RPS6KC1: variants seen among roughly 807,000 people sequenced by gnomAD.
RPS6KC1 encodes ribosomal protein S6 kinase C1, also known as inactive ribosomal protein S6 kinase delta-1.
RPS6KC1 carries 54 observed loss-of-function variants against 103.8 expected under a neutral mutation model. That is an observed-to-expected ratio of 0.52 (90% CI 0.42 to 0.65). The LOEUF (loss-of-function observed/expected upper bound fraction) is 0.65. Among genes scored for constraint, RPS6KC1 ranks in the 30% least tolerant of loss-of-function variants. The pLI, the probability that RPS6KC1 is intolerant of heterozygous loss-of-function variation, is 0.00. For synonymous variants in RPS6KC1, 439 were observed against 438.7 expected (o/e 1.00, Z -0.01); for missense variants, 1,151 against 1,253.8 (o/e 0.92, Z 1.24).
At chr1:213,773,430 CTATTATATATCTATATT>C in the RPS6KC1 span, among the ~76,000 whole-genome samples, 1 of 147,872 alleles carries the variant, frequency 6.8e-6, no homozygotes, top group African/African-American at 2.5e-5. Flanking sequence ...ATATCTATAT[CTATTATATATCTATATT>C]ACATTATACA....
the RPS6KC1 span, among the ~76,000 whole-genome samples, chr1:213,366,481 G>A: frequency 6.6e-6 from 1 of 152,202 alleles, no homozygotes; most frequent in Non-Finnish European, 1.5e-5. Flanking sequence ...AATGTTTTTG[G>A]TAAAGGGCCA....
chr1:213,371,033 A>G, the RPS6KC1 span, among the ~76,000 whole-genome samples: 1 of 152,014 alleles, frequency 6.6e-6, no homozygotes, highest in African/African-American at 2.4e-5. Context: ...GTACATTCAC[A>G]AGGTTGTGCA....
rs1030905296 is a variant in RPS6KC1, at chr1:213,152,841, G to A, written c.836-15017G>A. Among the ~76,000 whole-genome samples the A allele has an allele frequency of 1.4e-4, 22 of 152,104 alleles. 1 individual carries two copies. The highest frequency in any genetic ancestry group is 2.5e-4 in the Non-Finnish European group (17 of 68,012). On this transcript the variant is annotated intron_variant, in intron 6 of 14. Coordinates refer to ENST00000366960, the MANE Select transcript of RPS6KC1 (RefSeq NM_012424.6). ...CTCCTCACTTCCCAGACGGGGTGGC[G>A]GCCGGGCAGAGGCTGCAATGTCGGC...
intron 10 of RPS6KC1, among the ~76,000 whole-genome samples, chr1:213,240,439 T>C (rs1015871394): frequency 2.0e-5 from 3 of 152,138 alleles, no homozygotes; most frequent in Non-Finnish European, 4.4e-5. Context: ...GTATGTGTTA[T>C]AACTAATTTC....
chr1:213,569,291 A>C, the RPS6KC1 span, among the ~76,000 whole-genome samples: 1 of 152,182 alleles, frequency 6.6e-6, no homozygotes, highest in Admixed American at 6.5e-5. Flanking sequence ...GCTCATTTTC[A>C]GAAAAACAGC....
chr1:213,407,248 G>A, the RPS6KC1 span, among the ~76,000 whole-genome samples: 1 of 147,282 alleles, frequency 6.8e-6, no homozygotes, highest in African/African-American at 2.5e-5. Flanking sequence ...ACACACACAC[G>A]CAGAGAGAGA....
intron 8 of RPS6KC1, among the ~76,000 whole-genome samples, chr1:213,225,439 G>T (rs971627984): frequency 1.3e-5 from 2 of 152,010 alleles, no homozygotes. Flanking sequence ...TCAGGCTGGA[G>T]TGTGGAGTGG....
chr1:213,836,604 A>G, the RPS6KC1 span, among the ~76,000 whole-genome samples: 2 of 151,906 alleles, frequency 1.3e-5, no homozygotes, highest in African/African-American at 4.8e-5. Context: ...ATGGTACTAT[A>G]GCAGTGTTTT....
intron 3 of RPS6KC1, among the ~76,000 whole-genome samples, chr1:213,085,163 A>G (rs748405098): frequency 6.6e-6 from 1 of 152,162 alleles, no homozygotes; most frequent in Non-Finnish European, 1.5e-5. Context: ...TGCCTCTTTC[A>G]GCTTTTCGTA....
the RPS6KC1 span, among the ~76,000 whole-genome samples, chr1:213,710,503 A>C: frequency 6.6e-6 from 1 of 152,168 alleles, no homozygotes; most frequent in African/African-American, 2.4e-5. Context: ...TGGGGCATTT[A>C]GTCCATTTGC....
intron 8 of RPS6KC1, among the ~76,000 whole-genome samples, chr1:213,191,986 T>A (rs2148479134): frequency 6.6e-6 from 1 of 152,172 alleles, no homozygotes; most frequent in East Asian, 1.9e-4. Flanking sequence ...TTTTTGTATT[T>A]TTGTAGATCT....
At chr1:213,616,415 A>T in the RPS6KC1 span, among the ~76,000 whole-genome samples, 3 of 152,286 alleles carry the variant, frequency 2.0e-5, no homozygotes, top group Non-Finnish European at 4.4e-5. Flanking sequence ...TGCGGTGGGC[A>T]CCGCTGATGC....
chr1:213,487,509 G>T, the RPS6KC1 span, among the ~76,000 whole-genome samples: 1 of 150,958 alleles, frequency 6.6e-6, no homozygotes, highest in Non-Finnish European at 1.5e-5. Context: ...TTTTTTTTAA[G>T]GCCCAAGAAT....
chr1:213,563,660 A>G, the RPS6KC1 span, among the ~76,000 whole-genome samples: 1 of 152,144 alleles, frequency 6.6e-6, no homozygotes, highest in East Asian at 1.9e-4. Flanking sequence ...CTTGGAAAAT[A>G]TCATCTAGGA....
chr1:213,185,942 G>T (rs371154426), intron 8 of RPS6KC1, among the ~76,000 whole-genome samples: 1 of 150,150 alleles, frequency 6.7e-6, no homozygotes, highest in African/African-American at 2.4e-5. Flanking sequence ...TATAACAAGA[G>T]ACAGTTCATC....
At chr1:213,422,011 A>G in the RPS6KC1 span, among the ~76,000 whole-genome samples, 1 of 152,092 alleles carries the variant, frequency 6.6e-6, no homozygotes, top group African/African-American at 2.4e-5. Flanking sequence ...TTTTTTTGGT[A>G]TTATTTTTTA....
At chr1:213,681,244 A>G in the RPS6KC1 span, among the ~76,000 whole-genome samples, 1 of 152,174 alleles carries the variant, frequency 6.6e-6, no homozygotes, top group Non-Finnish European at 1.5e-5. Context: ...TATCACTCGC[A>G]CATGTCGCTG....
At chr1:213,684,478 T>G in the RPS6KC1 span, among the ~76,000 whole-genome samples, 1 of 152,192 alleles carries the variant, frequency 6.6e-6, no homozygotes, top group South Asian at 2.1e-4. Context: ...TAGGTGCCTG[T>G]GCCCATCTCA....
chr1:213,566,553 T>C, the RPS6KC1 span, among the ~76,000 whole-genome samples: 1 of 147,414 alleles, frequency 6.8e-6, no homozygotes, highest in African/African-American at 2.5e-5. Flanking sequence ...TCTCAACCTA[T>C]CATTCTCATA....
Sources: allele counts gnomAD v4.1 joint callset (sites outside exome capture counted in the v4.1 genomes callset), GRCh38; gene constraint gnomAD v4.1.1; transcripts MANE v1.5; gene names NCBI Gene and HGNC (gene_info 2026-07-23, HGNC 2026-07-21).